ADAM23: variants seen among roughly 807,000 people sequenced by gnomAD.
ADAM23 encodes disintegrin and metalloproteinase domain-containing protein 23.
A neutral mutation model predicts 120.1 loss-of-function variants in ADAM23; 33 were observed. The observed-to-expected ratio is 0.27, with a 90% CI of 0.21 to 0.37. The LOEUF is 0.37. Among genes scored for constraint, ADAM23 ranks in the 10% least tolerant of loss-of-function variants. The probability of loss-of-function intolerance (pLI) is 1.00; values close to 1 mark genes in which losing one functional copy is unlikely to be tolerated. For synonymous variants in ADAM23, 367 were observed against 375.2 expected, an observed-to-expected ratio of 0.98 and a Z score of 0.25; for missense variants, 862 against 1,058.2, an observed-to-expected ratio of 0.81 and a Z score of 2.57.
Position 206,619,571 on chromosome 2 carries a change from C to T in ADAM23, c.*1944C>T, listed in dbSNP as rs546601199. 6.6e-6 allele frequency: 1 copy of T among 151,804 alleles called. No individual in the cohort carries two copies. Among genetic ancestry groups the T allele is most frequent in the African/African-American group, 2.4e-5 (1 of 41,368 alleles). 9.4% of individuals were successfully genotyped at this position (151,804 alleles called of 1,614,324 possible). A position where few individuals can be genotyped will look rare whatever the true frequency, so the allele number is the denominator to read the frequency against. ...TTTTACTCATCACTTCTTCATGACACCAAATCCATTGCTAGGTTTAGCTCC... is the reference window on the plus strand; with the variant it reads ...TTTTACTCATCACTTCTTCATGACATCAAATCCATTGCTAGGTTTAGCTCC... On this transcript the variant is annotated 3_prime_UTR_variant, in exon 26 of 26. Transcript: ENST00000264377.
Position 206,536,199 on chromosome 2 carries a change from C to T in ADAM23, c.573+5251C>T, listed in dbSNP as rs527295621. On this transcript the variant is annotated intron_variant, in intron 4 of 25. Coordinates refer to ENST00000264377, the MANE Select transcript of ADAM23 (RefSeq NM_003812.4). Reference sequence around the variant, plus strand: ...ATGCCAGGATCTCCTTCTTTAAGGCCGAATGCTATTCCATTGCGTGTGTGT... The same window carrying T: ...ATGCCAGGATCTCCTTCTTTAAGGCTGAATGCTATTCCATTGCGTGTGTGT... Among the ~76,000 whole-genome samples the T allele has an allele frequency of 2.2e-3, 331 of 152,098 alleles. 1 individual carries two copies. Among genetic ancestry groups the T allele is most frequent in the African/African-American group, 7.7e-3 (321 of 41,492 alleles).
At chr2:206,476,342 C>T (rs1695774793) in intron 2 of ADAM23, among the ~76,000 whole-genome samples, 1 of 152,100 alleles carries the variant, frequency 6.6e-6, no homozygotes, top group Admixed American at 6.6e-5. Flanking sequence ...TTTCTCACAC[C>T]ACCTATAGTT....
intron 9 of ADAM23, among the ~76,000 whole-genome samples, chr2:206,556,751 T>C (rs977306198): frequency 2.6e-5 from 4 of 152,230 alleles, no homozygotes; most frequent in Non-Finnish European, 5.9e-5. Context: ...TGTCTTCTCT[T>C]TGTTTTGACT....
intron 18 of ADAM23, 126 bp downstream of exon 18, chr2:206,573,321 C>A: frequency 1.1e-6 from 1 of 878,668 alleles, no homozygotes; most frequent in Non-Finnish European, 1.9e-6. Context: ...TTTGCATATT[C>A]ATAATGAGAT....
intron 2 of ADAM23, among the ~76,000 whole-genome samples, chr2:206,477,893 A>ATATATATATATATATAT (rs1199167461): frequency 4.9e-4 from 50 of 101,340 alleles, no homozygotes; most frequent in African/African-American, 1.2e-3. Flanking sequence ...AAAAAAAAAA[A>ATATATATATATATATAT]AAAAATATAT....
chr2:206,561,590 GTA>G (rs773641532), intron 12 of ADAM23, among the ~76,000 whole-genome samples: 1 of 151,820 alleles, frequency 6.6e-6, no homozygotes, highest in Non-Finnish European at 1.5e-5. Context: ...TATCAGTACT[GTA>G]TGTTTTTTTC....
intron 4 of ADAM23, among the ~76,000 whole-genome samples, chr2:206,540,403 G>C (rs905073807): frequency 2.0e-5 from 3 of 152,146 alleles, no homozygotes; most frequent in Non-Finnish European, 4.4e-5. Context: ...CCGACTGTGA[G>C]ACTTGAGTAT....
chr2:206,466,807 G>A (rs72933236), intron 2 of ADAM23, among the ~76,000 whole-genome samples: 2 of 152,166 alleles, frequency 1.3e-5, no homozygotes, highest in Admixed American at 6.5e-5. Context: ...TGCGATGCCA[G>A]CTCCAAGGGG....
chr2:206,604,353 T>G (rs1041948245), intron 24 of ADAM23, among the ~76,000 whole-genome samples: 9 of 152,236 alleles, frequency 5.9e-5, no homozygotes, highest in African/African-American at 2.2e-4. Flanking sequence ...TAAGGTCTTT[T>G]TAAAAATGAG....
At chr2:206,563,239 G>C (rs1290744628) in intron 13 of ADAM23, among the ~76,000 whole-genome samples, 1 of 152,090 alleles carries the variant, frequency 6.6e-6, no homozygotes, top group Non-Finnish European at 1.5e-5. Flanking sequence ...TGAGACACTG[G>C]GAGTAAAGGT....
At chr2:206,565,100 T>C (rs747622760) in intron 14 of ADAM23, 32 bp downstream of exon 14, 1 of 1,610,328 alleles carries the variant, frequency 6.2e-7, no homozygotes, top group East Asian at 2.2e-5. Context: ...ATTTGATATA[T>C]GCCTTTTGCT....
chr2:206,579,724 T>A (rs1349109989), intron 18 of ADAM23, among the ~76,000 whole-genome samples: 1 of 152,186 alleles, frequency 6.6e-6, no homozygotes, highest in African/African-American at 2.4e-5. Flanking sequence ...CTTTTTTGGT[T>A]CCATATTAGT....
chr2:206,561,050 G>A (rs550215074), intron 11 of ADAM23, 78 bp from the exon 12 acceptor site: 21 of 1,242,238 alleles, frequency 1.7e-5, no homozygotes, highest in Middle Eastern at 1.9e-4. Flanking sequence ...TTCCATGTAG[G>A]AGGGTAGACA....
At chr2:206,538,695 C>A (rs1207672897) in intron 4 of ADAM23, among the ~76,000 whole-genome samples, 1 of 152,150 alleles carries the variant, frequency 6.6e-6, no homozygotes, top group Non-Finnish European at 1.5e-5. Context: ...CTTTTAAAAA[C>A]CAAATTAAAA....
At chr2:206,571,214 G>A (rs1269869050) in intron 16 of ADAM23, among the ~76,000 whole-genome samples, 15 of 152,176 alleles carry the variant, frequency 9.9e-5, no homozygotes, top group African/African-American at 2.9e-4. Context: ...GGTGGCTGAC[G>A]CCTGTAATCC....
At chr2:206,490,994 T>G (rs1696121402) in intron 3 of ADAM23, among the ~76,000 whole-genome samples, 1 of 152,170 alleles carries the variant, frequency 6.6e-6, no homozygotes, top group African/African-American at 2.4e-5. Context: ...ACTTTCAAAA[T>G]GGTTTGAGAA....
At chr2:206,578,193 T>C (rs1698155353) in intron 18 of ADAM23, among the ~76,000 whole-genome samples, 2 of 152,140 alleles carry the variant, frequency 1.3e-5, no homozygotes, top group Admixed American at 1.3e-4. Flanking sequence ...TTTTTAACAT[T>C]ACAAATCTAT....
intron 2 of ADAM23, among the ~76,000 whole-genome samples, chr2:206,473,677 G>T (rs192048512): frequency 6.6e-6 from 1 of 151,336 alleles, no homozygotes; most frequent in Admixed American, 6.6e-5. Context: ...TTACTCATTT[G>T]ATTTCCTTAA....
chr2:206,572,469 A>T (rs984236588), intron 17 of ADAM23, among the ~76,000 whole-genome samples: 12 of 152,070 alleles, frequency 7.9e-5, no homozygotes, highest in African/African-American at 2.9e-4. Flanking sequence ...ATTTTGTTTC[A>T]ATATTAGGGG....
Sources: allele counts gnomAD v4.1 joint callset (sites outside exome capture counted in the v4.1 genomes callset), GRCh38; gene constraint gnomAD v4.1.1; transcripts MANE v1.5; gene names NCBI Gene and HGNC (gene_info 2026-07-23, HGNC 2026-07-21).